The following COL4A2 variants were observed in gnomAD, a reference collection of about 807,000 sequenced individuals.
COL4A2 encodes collagen type IV alpha 2 chain, also known as collagen alpha-2(IV) chain.
A neutral mutation model predicts 200.2 loss-of-function variants in COL4A2; 99 were observed. That is an observed-to-expected ratio of 0.49 (90% CI 0.42 to 0.58). COL4A2 has a LOEUF of 0.58. Among genes scored for constraint, COL4A2 ranks in the 20% least tolerant of loss-of-function variants. The pLI is 0.00. For synonymous variants in COL4A2, 897 were observed against 900.6 expected (o/e 1.00, Z 0.07); for missense variants, 1,950 against 2,314.1 (o/e 0.84, Z 3.23).
intron 20 of COL4A2, among the ~76,000 whole-genome samples, chr13:110,453,292 G>A (rs9515213): frequency 0.092 from 13,929 of 151,940 alleles, 714 homozygotes; most frequent in Middle Eastern, 0.14. Context: ...ACCTGAGGTC[G>A]GGAGTTCGAG....
chr13:110,370,741 A>AT (rs1189654882), intron 4 of COL4A2, among the ~76,000 whole-genome samples: 1 of 152,068 alleles, frequency 6.6e-6, no homozygotes, highest in African/African-American at 2.4e-5. Context: ...TCTGCCCTTG[A>AT]TTTTCCTCTC....
intron 12 of COL4A2, among the ~76,000 whole-genome samples, chr13:110,435,719 G>C (rs1181348404): frequency 6.6e-6 from 1 of 152,230 alleles, no homozygotes; most frequent in Non-Finnish European, 1.5e-5. Flanking sequence ...TAATGTTCTA[G>C]ATAGATCGGT....
intron 32 of COL4A2, 94 bp downstream of exon 32, chr13:110,482,753 G>A: frequency 7.5e-7 from 1 of 1,341,696 alleles, no homozygotes; most frequent in Non-Finnish European, 1.0e-6. Context: ...ATGAATTTTT[G>A]AAAACCCATG....
rs1883887160 is a variant in COL4A2, at chr13:110,506,515, G to T, written c.4503G>T (p.Glu1501Asp). 6.2e-7 allele frequency: 1 copy of T among 1,613,044 alleles called. No homozygotes were observed. Among genetic ancestry groups the T allele is most frequent in the Admixed American group, 1.7e-5 (1 of 59,896 alleles). Reference protein sequence around the residue: ...LLVKHSQTDQEPMCPVGMNKL... With the variant: ...LLVKHSQTDQDPMCPVGMNKL... ...TGAAGCACAGCCAGACGGACCAGGA[G>T]CCCATGTGCCCAGTGGGCATGAACA... is the stretch of plus-strand genomic sequence containing the variant. The change falls in exon 46 of 48, where the codon GAG (glutamate) becomes GAT (aspartate). Residue 1501 changes from glutamate to aspartate, a missense_variant. Glu to Asp is a conservative substitution (Grantham distance 45). Coordinates refer to ENST00000360467, the MANE Select transcript of COL4A2 (RefSeq NM_001846.4).
chr13:110,342,552 G>A (rs933653223), intron 3 of COL4A2, among the ~76,000 whole-genome samples: 5 of 152,070 alleles, frequency 3.3e-5, no homozygotes, highest in Non-Finnish European at 7.4e-5. Context: ...GCCGGGAGCC[G>A]GGCACTATCC....
intron 10 of COL4A2, 99 bp downstream of exon 10, chr13:110,430,706 G>A (rs774831276): frequency 6.8e-7 from 1 of 1,467,988 alleles, no homozygotes; most frequent in South Asian, 1.1e-5. Context: ...AGAGCTTTAA[G>A]AACAACTATG....
intron 12 of COL4A2, 82 bp from the exon 13 acceptor site, chr13:110,436,187 T>A: frequency 6.2e-7 from 1 of 1,600,086 alleles, no homozygotes. Context: ...AACTGCAGTA[T>A]TTTGGCCAGG....
intron 7 of COL4A2, 25 bp downstream of exon 7, chr13:110,428,608 C>A: frequency 7.3e-7 from 1 of 1,372,020 alleles, no homozygotes; most frequent in Non-Finnish European, 9.8e-7. Flanking sequence ...AGCGCCTGTG[C>A]TCCAGGGACG....
chr13:110,489,629 A>C, intron 35 of COL4A2, 82 bp from the exon 36 acceptor site: 1 of 1,591,476 alleles, frequency 6.3e-7, no homozygotes, highest in East Asian at 2.2e-5. Context: ...TCTTGTTAGG[A>C]ATATAACAAA....
intron 4 of COL4A2, among the ~76,000 whole-genome samples, chr13:110,361,838 C>T (rs1877526947): frequency 3.9e-5 from 6 of 152,188 alleles, no homozygotes; most frequent in Admixed American, 3.3e-4. Flanking sequence ...TGGCACTGCC[C>T]ACTTCCCCTC....
chr13:110,428,055 A>T (rs999047354), intron 6 of COL4A2, among the ~76,000 whole-genome samples: 5 of 152,024 alleles, frequency 3.3e-5, no homozygotes, highest in African/African-American at 4.8e-5. Flanking sequence ...TAGAATTTTT[A>T]AAATGTACCT....
chr13:110,315,773 T>A (rs1885115423), intron 3 of COL4A2, among the ~76,000 whole-genome samples: 1 of 152,202 alleles, frequency 6.6e-6, no homozygotes, highest in African/African-American at 2.4e-5. Context: ...CAGGGCATCT[T>A]GCATCGGCCC....
rs750267798 is a variant in COL4A2, at chr13:110,489,498, T to A, written c.3261T>A (p.Thr1087=). Residue 1087 remains threonine (T), a synonymous_variant, in exon 35 of 48, where the codon ACT becomes ACA. Transcript: ENST00000360467. ...RAGLYGEIGA[T]GDFGDIGDTI... ...GCCTGTATGGCGAGATTGGCGCGACTGGTGATTTCGGTGAGTGTTGCCCGT... is the reference window on the plus strand; with the variant it reads ...GCCTGTATGGCGAGATTGGCGCGACAGGTGATTTCGGTGAGTGTTGCCCGT... The A allele has an allele frequency of 5.4e-5, 87 of 1,614,110 alleles. No individual in the cohort carries two copies. The highest frequency in any genetic ancestry group is 7.2e-5 in the Non-Finnish European group (85 of 1,180,044).
At chr13:110,333,257 C>A (rs942305180) in intron 3 of COL4A2, among the ~76,000 whole-genome samples, 1 of 152,206 alleles carries the variant, frequency 6.6e-6, no homozygotes, top group East Asian at 1.9e-4. Flanking sequence ...ACAGAAGGAC[C>A]ACCGCTTACT....
At chr13:110,473,214 C>T in intron 29 of COL4A2, 64 bp downstream of exon 29, 20 of 1,457,920 alleles carry the variant, frequency 1.4e-5, no homozygotes, top group Non-Finnish European at 1.9e-5. Flanking sequence ...CAAGGGCGAC[C>T]CCAATCCCTT....
intron 4 of COL4A2, among the ~76,000 whole-genome samples, chr13:110,401,321 C>A (rs1457145543): frequency 6.6e-6 from 1 of 152,192 alleles, no homozygotes; most frequent in Non-Finnish European, 1.5e-5. Flanking sequence ...TTAGTACCAT[C>A]TGTATCTTTC....
At chr13:110,383,652 G>C (rs1380974713) in intron 4 of COL4A2, among the ~76,000 whole-genome samples, 4 of 114,266 alleles carry the variant, frequency 3.5e-5, no homozygotes, top group African/African-American at 1.4e-4. Flanking sequence ...GTCTCGCTCT[G>C]TCACCCAGGT....
At chr13:110,346,690 C>T (rs906090697) in intron 3 of COL4A2, among the ~76,000 whole-genome samples, 2 of 152,186 alleles carry the variant, frequency 1.3e-5, no homozygotes, top group Non-Finnish European at 2.9e-5. Context: ...TGGTCGCTGT[C>T]CTGCCTGCCT....
chr13:110,466,528 C>T (rs1300775302), intron 26 of COL4A2, among the ~76,000 whole-genome samples: 2 of 152,230 alleles, frequency 1.3e-5, no homozygotes. Context: ...AGTGTCACTG[C>T]TCCCAGCCAC....
Sources: gnomAD v4.1 joint callset for allele counts (sites outside exome capture counted in the v4.1 genomes callset) on GRCh38, gnomAD v4.1.1 for gene constraint, MANE v1.5 for transcripts, NCBI Gene and HGNC (gene_info 2026-07-23, HGNC 2026-07-21) for gene names.